THSD7B: variants seen among roughly 807,000 people sequenced by gnomAD.
The protein encoded by THSD7B is thrombospondin type-1 domain-containing protein 7B.
A neutral mutation model predicts 213.6 loss-of-function variants in THSD7B; 138 were observed. The ratio of observed to expected loss-of-function variants is 0.65; its 90% CI spans 0.56 to 0.74. THSD7B has a LOEUF of 0.74. Ranked by LOEUF, THSD7B falls within the 30% of genes least tolerant of loss-of-function variation. The pLI is 0.00. For missense variants in THSD7B, 1,931 were observed against 1,991.5 expected (o/e 0.97, Z 0.58); for synonymous variants, 742 against 687.0 (o/e 1.08, Z -1.25).
chr2:137,233,397 C>A (rs1368033229), intron 9 of THSD7B, among the ~76,000 whole-genome samples: 2 of 152,134 alleles, frequency 1.3e-5, no homozygotes, highest in Non-Finnish European at 2.9e-5. Flanking sequence ...ACATTGAATG[C>A]TTTTGAATAA....
intron 15 of THSD7B, among the ~76,000 whole-genome samples, chr2:137,501,358 A>G (rs1378741117): frequency 3.3e-5 from 5 of 152,224 alleles, no homozygotes; most frequent in Non-Finnish European, 5.9e-5. Context: ...AATAGTATGG[A>G]ATGTTGAATG....
chr2:137,498,750 G>T (rs1679632757), intron 15 of THSD7B, among the ~76,000 whole-genome samples: 1 of 152,152 alleles, frequency 6.6e-6, no homozygotes, highest in South Asian at 2.1e-4. Flanking sequence ...CTAATTATAA[G>T]AGGGGAGAGA....
At chr2:137,571,330 C>A (rs1280582726) in intron 16 of THSD7B, among the ~76,000 whole-genome samples, 3 of 152,150 alleles carry the variant, frequency 2.0e-5, no homozygotes, top group Non-Finnish European at 2.9e-5. Context: ...ATAGGTTATA[C>A]TCTTGCTGAA....
intron 1 of THSD7B, among the ~76,000 whole-genome samples, chr2:136,804,644 A>T (rs1030707158): frequency 3.9e-5 from 6 of 152,120 alleles, no homozygotes; most frequent in African/African-American, 1.4e-4. Context: ...TGAGAGCTTT[A>T]GGTTGTATTG....
intron 1 of THSD7B, among the ~76,000 whole-genome samples, chr2:136,821,557 A>C (rs914254249): frequency 2.6e-5 from 4 of 152,082 alleles, no homozygotes; most frequent in African/African-American, 9.7e-5. Flanking sequence ...GTGGAGAAAA[A>C]GTCCTTTTTT....
chr2:137,145,351 C>T (rs1679673160), intron 5 of THSD7B, among the ~76,000 whole-genome samples: 4 of 151,958 alleles, frequency 2.6e-5, no homozygotes, highest in African/African-American at 7.2e-5. Context: ...TATCAGAAAG[C>T]AGGAGTGGTT....
At chr2:136,980,425 T>C (rs1202375591) in intron 2 of THSD7B, among the ~76,000 whole-genome samples, 1 of 152,084 alleles carries the variant, frequency 6.6e-6, no homozygotes, top group East Asian at 1.9e-4. Context: ...AAGAGTTCTG[T>C]CCATAAAGCC....
chr2:137,061,146 G>T (rs964883605), intron 3 of THSD7B, among the ~76,000 whole-genome samples: 2 of 151,654 alleles, frequency 1.3e-5, no homozygotes, highest in Non-Finnish European at 3.0e-5. Context: ...TTGCAATTGT[G>T]CATTGCTGGT....
At chr2:136,906,414 T>C (rs1684162415) in intron 2 of THSD7B, 1 of 152,196 alleles carries the variant, frequency 6.6e-6, no homozygotes, top group Admixed American at 6.6e-5. Context: ...TAAGATGCAG[T>C]GCACAGCTGA....
intron 4 of THSD7B, among the ~76,000 whole-genome samples, chr2:137,101,858 G>A (rs904896938): frequency 6.6e-6 from 1 of 152,222 alleles, no homozygotes; most frequent in African/African-American, 2.4e-5. Context: ...TCTTTGGGCA[G>A]GGCATCTCTG....
At chr2:137,544,506 A>G (rs1680671120) in intron 15 of THSD7B, among the ~76,000 whole-genome samples, 1 of 151,762 alleles carries the variant, frequency 6.6e-6, no homozygotes, top group Non-Finnish European at 1.5e-5. Context: ...ATGAGGAAAT[A>G]TTCTAGAATT....
At chr2:137,517,594 G>A (rs1168953961) in intron 15 of THSD7B, among the ~76,000 whole-genome samples, 1 of 152,202 alleles carries the variant, frequency 6.6e-6, no homozygotes, top group East Asian at 1.9e-4. Context: ...TGTTACTCCA[G>A]TCCATTTGTC....
chr2:136,804,427 CACACACACACA>C (rs1682248821), intron 1 of THSD7B, among the ~76,000 whole-genome samples: 1 of 149,998 alleles, frequency 6.7e-6, no homozygotes, highest in East Asian at 1.9e-4. Flanking sequence ...CACACACACA[CACACACACACA>C]CCCTTACCCT....
intron 1 of THSD7B, among the ~76,000 whole-genome samples, chr2:136,822,538 T>G (rs1210443969): frequency 6.6e-6 from 1 of 152,174 alleles, no homozygotes; most frequent in Non-Finnish European, 1.5e-5. Context: ...ATTTTCCCCA[T>G]TTTACAGATG....
intron 10 of THSD7B, among the ~76,000 whole-genome samples, chr2:137,265,382 C>G (rs181681421): frequency 6.6e-6 from 1 of 152,200 alleles, no homozygotes; most frequent in East Asian, 1.9e-4. Context: ...TAAACTAGTT[C>G]AACCACTGTG....
rs1415991573 is a variant in THSD7B, at chr2:137,356,965, CAG to C, written c.2501-48646_2501-48645del. On this transcript the variant is annotated intron_variant, in intron 12 of 27. Coordinates refer to ENST00000409968, the MANE Select transcript of THSD7B (RefSeq NM_001316349.2). ...ACACACATACACACACACACACACA[CAG>C]ACACACACACACACACACACACACA... 2.5e-3 allele frequency among the ~76,000 whole-genome samples: 155 copies of C among 62,242 alleles called. 1 individual carries two copies. Among genetic ancestry groups the C allele is most frequent in the African/African-American group, 5.0e-3 (105 of 20,920 alleles). The allele number at this position is 62,242 out of a possible 152,430, so 40.8% of individuals were successfully genotyped here.
chr2:137,245,642 A>G (rs530994061), intron 10 of THSD7B, among the ~76,000 whole-genome samples: 1 of 152,298 alleles, frequency 6.6e-6, no homozygotes, highest in African/African-American at 2.4e-5. Flanking sequence ...TTTTAAGTCC[A>G]TGAATATAAG....
chr2:137,451,953 A>G, intron 15 of THSD7B: 1 of 435,418 alleles, frequency 2.3e-6, no homozygotes, highest in Non-Finnish European at 3.1e-6. Context: ...CTATCCTCTC[A>G]ATTCCATTCA....
chr2:137,092,146 G>GATCCTGGGCCA, intron 3 of THSD7B, among the ~76,000 whole-genome samples: 1 of 152,248 alleles, frequency 6.6e-6, no homozygotes, highest in African/African-American at 2.4e-5. Flanking sequence ...GGCTGGGCTC[G>GATCCTGGGCCA]ATCCTGGGCC....
Sources: allele counts gnomAD v4.1 joint callset (sites outside exome capture counted in the v4.1 genomes callset), GRCh38; gene constraint gnomAD v4.1.1; transcripts MANE v1.5; gene names NCBI Gene and HGNC (gene_info 2026-07-23, HGNC 2026-07-21).